The following SPRYD7 variants were observed in gnomAD, a reference collection of about 807,000 sequenced individuals.
SPRYD7 encodes SPRY domain-containing protein 7.
A neutral mutation model predicts 23.8 loss-of-function variants in SPRYD7; 14 were observed. The ratio of observed to expected loss-of-function variants is 0.59; its 90% confidence interval spans 0.39 to 0.92. The LOEUF is 0.92. SPRYD7 is among the 40% of genes least tolerant of loss of function. SPRYD7 has a pLI of 0.00. For missense variants in SPRYD7, 194 were observed against 241.7 expected, an observed-to-expected ratio of 0.80 and a Z score of 1.31; for synonymous variants, 75 against 84.9, an observed-to-expected ratio of 0.88 and a Z score of 0.64.
rs527402487 is a variant in SPRYD7 at position 49,922,307 on chromosome 13, T to A, written c.391-727A>T. Among the ~76,000 whole-genome samples, 74 of 148,702 alleles carry A rather than the reference T, an allele frequency of 5.0e-4. 3 individuals are homozygous for A. The South Asian group carries it at 0.015, about 31-fold the overall frequency. On this transcript the variant is annotated intron_variant, in intron 3 of 4. Transcript: ENST00000361840. ...TTATTTTATAATTATATAAATAAAA[T>A]ATTTATTTGTATAAATATAAATTAT... is the stretch of plus-strand genomic sequence containing the variant.
intron 3 of SPRYD7, among the ~76,000 whole-genome samples, chr13:49,922,478 C>T (rs1001415784): frequency 1.3e-5 from 2 of 151,966 alleles, no homozygotes; most frequent in African/African-American, 4.8e-5. Flanking sequence ...AGCTAAAGCA[C>T]AGAAAGATTA....
intron 1 of SPRYD7, among the ~76,000 whole-genome samples, chr13:49,933,047 G>T (rs773882951): frequency 7.2e-5 from 11 of 152,146 alleles, no homozygotes; most frequent in Non-Finnish European, 1.3e-4. Flanking sequence ...ACTGATAAAG[G>T]TTGAATTAAT....
intron 2 of SPRYD7, among the ~76,000 whole-genome samples, chr13:49,929,768 C>A (rs1394308280): frequency 6.7e-6 from 1 of 149,166 alleles, no homozygotes; most frequent in East Asian, 2.0e-4. Context: ...TGCTGGGTTA[C>A]AGGCGTGAGC....
intron 1 of SPRYD7, 35 bp downstream of exon 1, chr13:49,936,095 T>C (rs1871615159): frequency 6.9e-7 from 1 of 1,455,584 alleles, no homozygotes; most frequent in South Asian, 1.2e-5. Flanking sequence ...CCGGCCCCCG[T>C]GAGCCGTTGG....
intron 3 of SPRYD7, 122 bp from the exon 4 acceptor site, chr13:49,921,702 A>G: frequency 1.6e-6 from 1 of 619,618 alleles, no homozygotes; most frequent in South Asian, 1.9e-5. Flanking sequence ...AGGGTTGACA[A>G]TTTGGTAGAA....
chr13:49,930,696 A>G (rs933262418), intron 2 of SPRYD7, among the ~76,000 whole-genome samples: 1 of 152,212 alleles, frequency 6.6e-6, no homozygotes, highest in East Asian at 1.9e-4. Context: ...ACCAAACAAG[A>G]GGGTTCATCC....
At chr13:49,922,387 G>C (rs1042977445) in intron 3 of SPRYD7, among the ~76,000 whole-genome samples, 6 of 151,302 alleles carry the variant, frequency 4.0e-5, no homozygotes, top group African/African-American at 1.5e-4. Flanking sequence ...TAAACCAATA[G>C]TGCTACTATT....
intron 4 of SPRYD7, among the ~76,000 whole-genome samples, chr13:49,918,409 TTTTTTTTTC>T (rs1955776404): frequency 6.7e-6 from 1 of 149,902 alleles, no homozygotes; most frequent in Non-Finnish European, 1.5e-5. Context: ...AGTTCTTTTT[TTTTTTTTTC>T]TTTTTTTTGA....
intron 1 of SPRYD7, among the ~76,000 whole-genome samples, chr13:49,935,454 G>T (rs900983614): frequency 6.6e-6 from 1 of 152,158 alleles, no homozygotes; most frequent in African/African-American, 2.4e-5. Context: ...ATATGGATTT[G>T]GAATTAAAAG....
intron 3 of SPRYD7, among the ~76,000 whole-genome samples, chr13:49,924,351 C>G (rs1473847450): frequency 6.6e-6 from 1 of 152,088 alleles, no homozygotes; most frequent in East Asian, 1.9e-4. Context: ...TCACGGCTCA[C>G]TGCCGCCTTT....
intron 3 of SPRYD7, among the ~76,000 whole-genome samples, chr13:49,924,613 T>C (rs1454220871): frequency 6.6e-6 from 1 of 152,100 alleles, no homozygotes; most frequent in Non-Finnish European, 1.5e-5. Context: ...GGCTGAGCTA[T>C]ATAGTCTTGT....
intron 2 of SPRYD7, among the ~76,000 whole-genome samples, chr13:49,930,296 G>A (rs925074940): frequency 1.3e-5 from 2 of 150,914 alleles, no homozygotes; most frequent in South Asian, 4.3e-4. Flanking sequence ...TAATAACTGA[G>A]TTAAGAGAAA....
chr13:49,922,487 T>A (rs1181447567), intron 3 of SPRYD7, among the ~76,000 whole-genome samples: 2 of 152,050 alleles, frequency 1.3e-5, no homozygotes, highest in East Asian at 3.9e-4. Context: ...ACAGAAAGAT[T>A]AAGTAATTTA....
chr13:49,920,664 T>C (rs1266607240), intron 4 of SPRYD7, among the ~76,000 whole-genome samples: 1 of 152,082 alleles, frequency 6.6e-6, no homozygotes, highest in African/African-American at 2.4e-5. Flanking sequence ...ACAATCCATA[T>C]AAAAAGGTCC....
At chr13:49,933,534 G>A (rs565280670) in intron 1 of SPRYD7, among the ~76,000 whole-genome samples, 39 of 151,494 alleles carry the variant, frequency 2.6e-4, no homozygotes, top group African/African-American at 7.0e-4. Context: ...CCCAGGAGGC[G>A]GAGGTTGCAG....
intron 1 of SPRYD7, among the ~76,000 whole-genome samples, chr13:49,934,746 G>A (rs1594520828): frequency 6.6e-6 from 1 of 152,174 alleles, no homozygotes; most frequent in African/African-American, 2.4e-5. Flanking sequence ...ACAGAGAAAA[G>A]GAATGCTCCA....
intron 4 of SPRYD7, among the ~76,000 whole-genome samples, chr13:49,917,208 A>G (rs982488133): frequency 6.6e-6 from 1 of 152,032 alleles, no homozygotes; most frequent in African/African-American, 2.4e-5. Flanking sequence ...GGTTCACGCT[A>G]TTCTCTTGCC....
At chr13:49,920,875 C>T (rs753383517) in intron 4 of SPRYD7, among the ~76,000 whole-genome samples, 13 of 151,910 alleles carry the variant, frequency 8.6e-5, no homozygotes, top group Non-Finnish European at 1.8e-4. Flanking sequence ...GCAGGAGAAT[C>T]GCTTGAACCC....
At chr13:49,921,919 CAGA>C (rs943349587) in intron 3 of SPRYD7, among the ~76,000 whole-genome samples, 1 of 152,162 alleles carries the variant, frequency 6.6e-6, no homozygotes, top group African/African-American at 2.4e-5. Flanking sequence ...TACACTCATA[CAGA>C]AAACGCTGCT....
Sources: gnomAD v4.1 joint callset for allele counts (sites outside exome capture counted in the v4.1 genomes callset) on GRCh38, gnomAD v4.1.1 for gene constraint, MANE v1.5 for transcripts, NCBI Gene and HGNC (gene_info 2026-07-23, HGNC 2026-07-21) for gene names.